TNFRSF19: variants seen among roughly 807,000 people sequenced by gnomAD.
TNFRSF19 encodes TNF receptor superfamily member 19.
A neutral mutation model predicts 46.4 loss-of-function variants in TNFRSF19; 27 were observed. The ratio of observed to expected loss-of-function variants is 0.58; its 90% CI spans 0.43 to 0.80. The LOEUF (loss-of-function observed/expected upper bound fraction) is 0.80. TNFRSF19 is among the 30% of genes least tolerant of loss of function. TNFRSF19 has a pLI of 0.00. For missense variants in TNFRSF19, 511 were observed against 530.8 expected, an observed-to-expected ratio of 0.96 and a Z score of 0.37; for synonymous variants, 204 against 205.0, an observed-to-expected ratio of 1.00 and a Z score of 0.04.
chr13:23,665,312 C>T (rs374055322), intron 7 of TNFRSF19, among the ~76,000 whole-genome samples: 58 of 152,160 alleles, frequency 3.8e-4, no homozygotes, highest in African/African-American at 1.4e-3. Flanking sequence ...CTCTGCCTCA[C>T]CTTACTTCAG....
chr13:23,646,331 G>A (rs1454781639), intron 5 of TNFRSF19, among the ~76,000 whole-genome samples: 1 of 152,090 alleles, frequency 6.6e-6, no homozygotes, highest in Non-Finnish European at 1.5e-5. Flanking sequence ...ATACAAGTCA[G>A]TGATATTAAT....
intron 4 of TNFRSF19, among the ~76,000 whole-genome samples, chr13:23,618,635 C>CTTCAGAAAGTTAG (rs1220297629): frequency 1.3e-5 from 2 of 152,124 alleles, no homozygotes; most frequent in African/African-American, 2.4e-5. Flanking sequence ...ATAGAGTTAC[C>CTTCAGAAAGTTAG]ACGTGACCTG....
At chr13:23,620,957 G>T (rs1170127066) in intron 4 of TNFRSF19, among the ~76,000 whole-genome samples, 1 of 152,190 alleles carries the variant, frequency 6.6e-6, no homozygotes, top group Non-Finnish European at 1.5e-5. Flanking sequence ...CTGGTTCTCA[G>T]AGTGGATAAA....
chr13:23,600,454 C>T (rs12874332), intron 3 of TNFRSF19, among the ~76,000 whole-genome samples: 13,311 of 152,232 alleles, frequency 0.087, 621 homozygotes, highest in East Asian at 0.18. Context: ...ATAGAGCACC[C>T]TCCCATGCTT....
At chr13:23,618,703 T>G (rs2138266059) in intron 4 of TNFRSF19, among the ~76,000 whole-genome samples, 1 of 152,302 alleles carries the variant, frequency 6.6e-6, no homozygotes, top group East Asian at 1.9e-4. Context: ...ACACAAAAAC[T>G]TGTACACTAG....
At chr13:23,611,922 T>C (rs1880935519) in intron 3 of TNFRSF19, among the ~76,000 whole-genome samples, 1 of 152,106 alleles carries the variant, frequency 6.6e-6, no homozygotes, top group African/African-American at 2.4e-5. Flanking sequence ...CTGTCCAAGA[T>C]GTATGGCATG....
intron 5 of TNFRSF19, among the ~76,000 whole-genome samples, chr13:23,646,887 T>G (rs1486866646): frequency 1.3e-5 from 2 of 152,234 alleles, no homozygotes; most frequent in African/African-American, 4.8e-5. Flanking sequence ...CATTTTACGT[T>G]CTTACCATAA....
intron 5 of TNFRSF19, among the ~76,000 whole-genome samples, chr13:23,652,930 T>C (rs1883737378): frequency 6.6e-6 from 1 of 152,246 alleles, no homozygotes; most frequent in East Asian, 1.9e-4. Context: ...CTGTCCTTTC[T>C]GTGGGAGATG....
intron 4 of TNFRSF19, among the ~76,000 whole-genome samples, chr13:23,623,629 G>GT (rs1321903351): frequency 6.6e-6 from 1 of 152,080 alleles, no homozygotes. Flanking sequence ...CTGTTTGTTT[G>GT]TTGTTATTGT....
At chr13:23,657,143 C>T (rs1593292963) in intron 5 of TNFRSF19, among the ~76,000 whole-genome samples, 1 of 152,156 alleles carries the variant, frequency 6.6e-6, no homozygotes, top group South Asian at 2.1e-4. Flanking sequence ...AAGCCCAAAA[C>T]ATATGGTGTG....
chr13:23,664,523 G>C (rs76769953), intron 7 of TNFRSF19, among the ~76,000 whole-genome samples: 1 of 151,944 alleles, frequency 6.6e-6, no homozygotes. Flanking sequence ...CAGTTCCCCC[G>C]TCCTCTTACT....
At chr13:23,606,762 C>A (rs567055137) in intron 3 of TNFRSF19, among the ~76,000 whole-genome samples, 1 of 152,206 alleles carries the variant, frequency 6.6e-6, no homozygotes, top group East Asian at 1.9e-4. Flanking sequence ...AACAGAGAGG[C>A]AAAGGATTCA....
chr13:23,635,447 C>T (rs932208166), intron 5 of TNFRSF19, among the ~76,000 whole-genome samples: 2 of 151,748 alleles, frequency 1.3e-5, no homozygotes, highest in Non-Finnish European at 2.9e-5. Flanking sequence ...GGTGTGATCT[C>T]GGCTCACTAC....
intron 1 of TNFRSF19, among the ~76,000 whole-genome samples, chr13:23,581,638 A>G (rs1050302196): frequency 1.3e-5 from 2 of 152,158 alleles, no homozygotes; most frequent in Non-Finnish European, 2.9e-5. Flanking sequence ...TAATATATTA[A>G]TTTCCTAGTT....
At position 23,674,321 on chromosome 13, in the gene TNFRSF19, G is replaced by T. The variant is rs1266576130; in HGVS notation, c.*941G>T. On this transcript the variant is annotated 3_prime_UTR_variant, in exon 10 of 10. Coordinates refer to ENST00000248484, the MANE Select transcript of TNFRSF19 (RefSeq NM_148957.4). ...GGCTTTAGAAATTACAACATATCAG[G>T]TTCCCCTACTACTGAAGTAGCCTTC... 6.6e-6 allele frequency: 1 copy of T among 152,162 alleles called. No individual in the cohort carries two copies. 9.4% of individuals were successfully genotyped at this position (152,162 alleles called of 1,614,324 possible).
chr13:23,633,156 C>A (rs1882457880), intron 5 of TNFRSF19, among the ~76,000 whole-genome samples: 1 of 145,812 alleles, frequency 6.9e-6, no homozygotes, highest in Non-Finnish European at 1.5e-5. Flanking sequence ...TTAGCCCAGG[C>A]TAGAGTGCAG....
At chr13:23,664,437 C>CCCA in intron 7 of TNFRSF19, among the ~76,000 whole-genome samples, 1 of 152,032 alleles carries the variant, frequency 6.6e-6, no homozygotes, top group Non-Finnish European at 1.5e-5. Flanking sequence ...ATCCCACTCC[C>CCCA]CCACCACCCT....
rs1335812603 is a variant in TNFRSF19, at chr13:23,673,597, C to A, written c.*217C>A. The A allele has an allele frequency of 8.1e-7, 1 of 1,227,108 alleles. No homozygotes were observed. The highest frequency in any genetic ancestry group is 1.0e-6 in the Non-Finnish European group (1 of 977,566). 76.0% of individuals were successfully genotyped at this position (1,227,108 alleles called of 1,614,324 possible). ...ATGAATAACAAGAAAAGACTCCAGG[C>A]CGACTCATGATACTCTGCATCTTTC... On this transcript the variant is annotated 3_prime_UTR_variant, in exon 10 of 10. Coordinates refer to ENST00000248484, the MANE Select transcript of TNFRSF19 (RefSeq NM_148957.4).
At chr13:23,614,376 G>A (rs1881109398) in intron 3 of TNFRSF19, among the ~76,000 whole-genome samples, 1 of 152,124 alleles carries the variant, frequency 6.6e-6, no homozygotes, top group African/African-American at 2.4e-5. Flanking sequence ...CTTCAAGTTG[G>A]TTTTCATTTA....
Sources: gnomAD v4.1 joint callset for allele counts (sites outside exome capture counted in the v4.1 genomes callset) on GRCh38, gnomAD v4.1.1 for gene constraint, MANE v1.5 for transcripts, NCBI Gene and HGNC (gene_info 2026-07-23, HGNC 2026-07-21) for gene names.